The following PARD3B variants were observed in gnomAD, a reference collection of about 807,000 sequenced individuals.
PARD3B encodes partitioning defective 3 homolog B.
PARD3B carries 103 observed loss-of-function variants against 130.2 expected under a neutral mutation model. The ratio of observed to expected loss-of-function variants is 0.79; its 90% CI spans 0.67 to 0.93. The LOEUF is 0.93. Ranked by LOEUF, PARD3B falls within the 40% of genes least tolerant of loss-of-function variation. PARD3B has a pLI of 0.00. For synonymous variants in PARD3B, 583 were observed against 553.2 expected, an observed-to-expected ratio of 1.05 and a Z score of -0.76; for missense variants, 1,609 against 1,499.2, an observed-to-expected ratio of 1.07 and a Z score of -1.21.
chr2:205,224,381 A>AAAAAAAG (rs2038418403), intron 15 of PARD3B, among the ~76,000 whole-genome samples: 1 of 148,866 alleles, frequency 6.7e-6, no homozygotes, highest in African/African-American at 2.5e-5. Context: ...AAAAAAAAAA[A>AAAAAAAG]AAAAAAAGAA....
At chr2:204,964,053 C>G (rs1208182031) in intron 2 of PARD3B, among the ~76,000 whole-genome samples, 1 of 152,216 alleles carries the variant, frequency 6.6e-6, no homozygotes, top group African/African-American at 2.4e-5. Context: ...CAGGGTTCCC[C>G]TATGACTGGG....
chr2:204,930,136 C>T (rs1242814718), intron 2 of PARD3B, among the ~76,000 whole-genome samples: 1 of 151,706 alleles, frequency 6.6e-6, no homozygotes, highest in Non-Finnish European at 1.5e-5. Flanking sequence ...AGTCCATTCT[C>T]TCTGTACTTG....
chr2:205,316,417 T>C (rs2042565373), intron 18 of PARD3B, among the ~76,000 whole-genome samples: 1 of 152,118 alleles, frequency 6.6e-6, no homozygotes, highest in Non-Finnish European at 1.5e-5. Flanking sequence ...GGTTGTAGAA[T>C]TGACCTCCCT....
rs1158366941 is a variant in PARD3B at position 205,141,390 on chromosome 2, A to G, written c.1434+15653A>G. ...TCCCTGAGTGAATTTAAACTTTTCA[A>G]TCAATTGTTTAGATGTTGATGTAGA... is the stretch of plus-strand genomic sequence containing the variant. On this transcript the variant is annotated intron_variant, in intron 10 of 22. Coordinates refer to ENST00000406610, the MANE Select transcript of PARD3B (RefSeq NM_001302769.2). Among the ~76,000 whole-genome samples, 8 of 152,358 alleles carry G rather than the reference A, an allele frequency of 5.3e-5. No individual in the cohort carries two copies. The South Asian group carries it at 1.0e-3, about 20-fold the overall frequency.
chr2:205,017,310 A>G (rs1396379515), intron 3 of PARD3B, among the ~76,000 whole-genome samples: 1 of 152,128 alleles, frequency 6.6e-6, no homozygotes, highest in Non-Finnish European at 1.5e-5. Flanking sequence ...GTCCTCAGAA[A>G]AATATATAAT....
chr2:204,553,659 T>C (rs1237157324), intron 1 of PARD3B, among the ~76,000 whole-genome samples: 3 of 12,618 alleles, frequency 2.4e-4, no homozygotes, highest in Non-Finnish European at 3.1e-4. Context: ...TCCATATATA[T>C]ATATATATAT....
chr2:204,932,806 G>A (rs1215148723), intron 2 of PARD3B, among the ~76,000 whole-genome samples: 5 of 152,230 alleles, frequency 3.3e-5, no homozygotes, highest in South Asian at 2.1e-4. Flanking sequence ...GGCTAAACCT[G>A]GATTCTGCAT....
chr2:205,079,315 G>A (rs1323330729), intron 4 of PARD3B, among the ~76,000 whole-genome samples: 3 of 152,124 alleles, frequency 2.0e-5, no homozygotes, highest in Non-Finnish European at 4.4e-5. Flanking sequence ...CAAAATACCC[G>A]AGACTAGGTA....
chr2:205,036,786 A>G (rs1697951993), intron 3 of PARD3B, among the ~76,000 whole-genome samples: 1 of 151,160 alleles, frequency 6.6e-6, no homozygotes, highest in African/African-American at 2.4e-5. Context: ...ATATATATAC[A>G]CAGCGGACTG....
Position 204,943,290 on chromosome 2 carries a change from C to G in PARD3B, c.223-21862C>G, listed in dbSNP as rs1689060538. 6.6e-6 allele frequency among the ~76,000 whole-genome samples: 1 copy of G among 151,994 alleles called. No individual in the cohort carries two copies. The highest frequency in any genetic ancestry group is 2.4e-5 in the African/African-American group (1 of 41,364). On this transcript the variant is annotated intron_variant, in intron 2 of 22. Transcript: ENST00000406610. The surrounding 1 kb of genome is among the most constrained non-coding windows in gnomAD (Gnocchi z 4.2). ...ATTTTCTCTCCTAAAAGGACGGTGA[C>G]TGGAAAGATCGCATAGGTCACGAGG... is the stretch of plus-strand genomic sequence containing the variant.
intron 22 of PARD3B, among the ~76,000 whole-genome samples, chr2:205,608,725 T>G (rs945947333): frequency 6.6e-6 from 1 of 152,202 alleles, no homozygotes; most frequent in Non-Finnish European, 1.5e-5. Context: ...TGAACTGTCA[T>G]ACAGAATCCA....
chr2:204,838,496 T>G (rs74346219), intron 2 of PARD3B, among the ~76,000 whole-genome samples: 23 of 152,058 alleles, frequency 1.5e-4, no homozygotes, highest in Admixed American at 4.6e-4. Flanking sequence ...ATTACAGACA[T>G]GAACCACCAT....
intron 4 of PARD3B, among the ~76,000 whole-genome samples, chr2:205,053,478 A>T (rs1370105573): frequency 6.6e-6 from 1 of 151,900 alleles, no homozygotes; most frequent in Non-Finnish European, 1.5e-5. Context: ...CTCTACTAAA[A>T]ATACAAAAAA....
intron 15 of PARD3B, among the ~76,000 whole-genome samples, chr2:205,204,662 G>A (rs1282882176): frequency 1.3e-5 from 2 of 151,970 alleles, no homozygotes; most frequent in Admixed American, 1.3e-4. Flanking sequence ...TCAGTTTTCT[G>A]CGTGTGGCTA....
chr2:204,663,144 G>A (rs992820429), intron 1 of PARD3B, among the ~76,000 whole-genome samples: 67 of 152,214 alleles, frequency 4.4e-4, no homozygotes, highest in African/African-American at 1.5e-3. Flanking sequence ...CTTAATCCAA[G>A]CTGTAACCAT....
At chr2:204,656,970 A>G (rs1383837878) in intron 1 of PARD3B, among the ~76,000 whole-genome samples, 1 of 152,150 alleles carries the variant, frequency 6.6e-6, no homozygotes, top group Non-Finnish European at 1.5e-5. Context: ...GAGTAAGATC[A>G]TGATGTCTCT....
intron 1 of PARD3B, among the ~76,000 whole-genome samples, chr2:204,612,208 G>A (rs1559184582): frequency 6.6e-6 from 1 of 152,232 alleles, no homozygotes; most frequent in African/African-American, 2.4e-5. Context: ...GCAGCAGCTG[G>A]TTGTTGCCTC....
chr2:205,267,525 G>A lies in PARD3B; in HGVS notation c.2185+21703G>A, dbSNP rs1021903080. On this transcript the variant is annotated intron_variant, in intron 16 of 22. Transcript: ENST00000406610. ...ATTTGGCTTGAGCTTCAGAAGGATT[G>A]GTTGGATTTGTATCACTGTAGAAGA... Among the ~76,000 whole-genome samples, 7 of 152,012 alleles carry A rather than the reference G, an allele frequency of 4.6e-5. No individual in the cohort carries two copies. The East Asian group carries it at 5.8e-4, about 13-fold the overall frequency.
At chr2:204,863,266 G>T (rs983493108) in intron 2 of PARD3B, among the ~76,000 whole-genome samples, 4 of 152,116 alleles carry the variant, frequency 2.6e-5, no homozygotes, top group Non-Finnish European at 5.9e-5. Context: ...CTTGTTGAAT[G>T]AATTAATGCA....
Sources: gnomAD v4.1 joint callset for allele counts (sites outside exome capture counted in the v4.1 genomes callset) on GRCh38, gnomAD v4.1.1 for gene constraint, Gnocchi (gnomAD v3.1) non-coding constraint, MANE v1.5 for transcripts, NCBI Gene and HGNC (gene_info 2026-07-23, HGNC 2026-07-21) for gene names.